The following ADGRB3 variants were observed in gnomAD, a reference collection of about 807,000 sequenced individuals.
ADGRB3 encodes the protein adhesion G protein-coupled receptor B3, also known as brain-specific angiogenesis inhibitor 3.
In ADGRB3, 37 loss-of-function variants were observed where a neutral mutation model predicts 193.4. The ratio of observed to expected loss-of-function variants is 0.19; its 90% CI spans 0.15 to 0.25. The LOEUF (loss-of-function observed/expected upper bound fraction) is 0.25, where lower values mean the gene tolerates loss of function less well. Among genes scored for constraint, ADGRB3 ranks in the 10% least tolerant of loss-of-function variants. ADGRB3 has a pLI of 1.00. For synonymous variants in ADGRB3, 690 were observed against 644.2 expected (o/e 1.07, Z -1.08); for missense variants, 1,637 against 1,852.9 (o/e 0.88, Z 2.14).
At chr6:68,698,875 G>A (rs1368862309) in intron 3 of ADGRB3, among the ~76,000 whole-genome samples, 1 of 152,006 alleles carries the variant, frequency 6.6e-6, no homozygotes, top group Non-Finnish European at 1.5e-5. Context: ...TATCTTAGAT[G>A]TGTTGATTGA....
At chr6:68,912,669 T>A (rs1051295424) in intron 3 of ADGRB3, among the ~76,000 whole-genome samples, 8 of 152,142 alleles carry the variant, frequency 5.3e-5, no homozygotes, top group Admixed American at 2.0e-4. Context: ...ATTTCCAATT[T>A]CATCCATGTC....
At chr6:69,097,931 T>A (rs1406143405) in intron 17 of ADGRB3, among the ~76,000 whole-genome samples, 1 of 152,218 alleles carries the variant, frequency 6.6e-6, no homozygotes, top group Non-Finnish European at 1.5e-5. Context: ...AACATAATTA[T>A]GTTAGTATGA....
intron 20 of ADGRB3, among the ~76,000 whole-genome samples, chr6:69,250,960 C>T (rs771325488): frequency 6.6e-6 from 1 of 152,144 alleles, no homozygotes; most frequent in Non-Finnish European, 1.5e-5. Flanking sequence ...GGCCTATGTA[C>T]TTCTTTCACC....
chr6:69,265,888 A>G (rs1263673763), intron 20 of ADGRB3, among the ~76,000 whole-genome samples: 3 of 151,988 alleles, frequency 2.0e-5, no homozygotes, highest in Non-Finnish European at 4.4e-5. Context: ...CTTTCAAGGA[A>G]AATGTAGTTT....
intron 26 of ADGRB3, among the ~76,000 whole-genome samples, chr6:69,345,412 T>C (rs1044369970): frequency 6.6e-5 from 10 of 152,148 alleles, no homozygotes; most frequent in Non-Finnish European, 5.9e-5. Flanking sequence ...TTTGATCAAA[T>C]TGGCTTCATC....
At chr6:69,256,558 C>G (rs954512105) in intron 20 of ADGRB3, among the ~76,000 whole-genome samples, 189 of 151,940 alleles carry the variant, frequency 1.2e-3, no homozygotes, top group African/African-American at 4.4e-3. Flanking sequence ...GATTTTGTAT[C>G]CTGAGACTTT....
intron 17 of ADGRB3, among the ~76,000 whole-genome samples, chr6:69,181,116 C>T (rs761454866): frequency 9.9e-5 from 15 of 152,192 alleles, no homozygotes; most frequent in Non-Finnish European, 1.9e-4. Context: ...CTTTTATCAA[C>T]TGGACGCCAT....
intron 17 of ADGRB3, among the ~76,000 whole-genome samples, chr6:69,203,064 A>G (rs192147897): frequency 1.3e-5 from 2 of 152,304 alleles, no homozygotes; most frequent in African/African-American, 2.4e-5. Context: ...CATAGTGATC[A>G]CAGCCATTAA....
chr6:68,996,062 C>A (rs73745907), intron 11 of ADGRB3, among the ~76,000 whole-genome samples: 2,870 of 152,252 alleles, frequency 0.019, 80 homozygotes, highest in African/African-American at 0.065. Flanking sequence ...CTGGGCATTT[C>A]TAATTGGCTA....
At chr6:68,933,154 T>C (rs963491415) in intron 4 of ADGRB3, among the ~76,000 whole-genome samples, 2 of 151,810 alleles carry the variant, frequency 1.3e-5, no homozygotes, top group African/African-American at 2.4e-5. Context: ...ATAAGATGGC[T>C]TAAGATATCC....
chr6:68,992,451 G>A (rs566023943), intron 10 of ADGRB3, among the ~76,000 whole-genome samples: 4 of 152,130 alleles, frequency 2.6e-5, no homozygotes, highest in South Asian at 2.1e-4. Flanking sequence ...GAATAAATAC[G>A]TAAATATCAC....
intron 11 of ADGRB3, 45 bp downstream of exon 11, chr6:68,994,007 AT>A: frequency 6.3e-7 from 1 of 1,590,346 alleles, no homozygotes. Flanking sequence ...TGAAGATGCA[AT>A]CAGTTTTTGG....
intron 3 of ADGRB3, among the ~76,000 whole-genome samples, chr6:68,823,591 T>G (rs1294895818): frequency 6.6e-6 from 1 of 152,042 alleles, no homozygotes; most frequent in African/African-American, 2.4e-5. Flanking sequence ...CATTTGCTCA[T>G]GGAAAGATGT....
chr6:68,771,383 TATACACAC>T (rs1562022562), intron 3 of ADGRB3, among the ~76,000 whole-genome samples: 3 of 67,956 alleles, frequency 4.4e-5, no homozygotes, highest in Admixed American at 1.6e-4. Context: ...CTAGGGAATA[TATACACAC>T]ACACACACAC....
chr6:68,873,187 C>G (rs1582272741), intron 3 of ADGRB3, among the ~76,000 whole-genome samples: 1 of 152,096 alleles, frequency 6.6e-6, no homozygotes, highest in East Asian at 1.9e-4. Flanking sequence ...AAAATTGTAA[C>G]AAATCCTTCA....
chr6:69,291,676 C>A (rs955912965), intron 20 of ADGRB3, among the ~76,000 whole-genome samples: 1 of 152,096 alleles, frequency 6.6e-6, no homozygotes, highest in Non-Finnish European at 1.5e-5. Context: ...ATTGGGGTTT[C>A]TTCAATAAGG....
intron 3 of ADGRB3, among the ~76,000 whole-genome samples, chr6:68,799,202 C>T (rs1767267733): frequency 1.3e-5 from 2 of 152,038 alleles, no homozygotes; most frequent in Non-Finnish European, 2.9e-5. Context: ...GATCTGCATA[C>T]ACTCACAAGC....
chr6:68,725,112 A>G (rs979914434), intron 3 of ADGRB3, among the ~76,000 whole-genome samples: 1 of 151,656 alleles, frequency 6.6e-6, no homozygotes, highest in African/African-American at 2.4e-5. Context: ...GAGATGGGAC[A>G]TTCAAAGTCA....
At chr6:69,024,844 G>A (rs1562126278) in intron 13 of ADGRB3, among the ~76,000 whole-genome samples, 1 of 152,114 alleles carries the variant, frequency 6.6e-6, no homozygotes, top group Admixed American at 6.5e-5. Context: ...TGTAATCCCA[G>A]CACTTTGGGA....
Sources: gnomAD v4.1 joint callset for allele counts (sites outside exome capture counted in the v4.1 genomes callset) on GRCh38, gnomAD v4.1.1 for gene constraint, MANE v1.5 for transcripts, NCBI Gene and HGNC (gene_info 2026-07-23, HGNC 2026-07-21) for gene names.